SLC4A4: variants seen among roughly 807,000 people sequenced by gnomAD.
SLC4A4 encodes the protein solute carrier family 4 member 4.
A neutral mutation model predicts 111.5 loss-of-function variants in SLC4A4; 27 were observed. The observed-to-expected ratio is 0.24, with a 90% confidence interval of 0.18 to 0.33. The LOEUF is 0.33. Ranked by LOEUF, SLC4A4 falls within the 10% of genes least tolerant of loss-of-function variation. The pLI, the probability that SLC4A4 is intolerant of heterozygous loss-of-function variation, is 1.00. For synonymous variants in SLC4A4, 443 were observed against 463.4 expected, an observed-to-expected ratio of 0.96 and a Z score of 0.57; for missense variants, 909 against 1,315.5, an observed-to-expected ratio of 0.69 and a Z score of 4.78.
At chr4:71,528,489 G>T (rs1034175427) in intron 16 of SLC4A4, among the ~76,000 whole-genome samples, 13 of 152,050 alleles carry the variant, frequency 8.5e-5, no homozygotes, top group African/African-American at 2.9e-4. Flanking sequence ...GCAGTAATTT[G>T]TGTGTTGTTG....
intron 7 of SLC4A4, chr4:71,437,319 G>A: frequency 2.8e-6 from 1 of 362,148 alleles, no homozygotes; most frequent in Non-Finnish European, 5.4e-6. Flanking sequence ...CACGGTTTTG[G>A]GGAAATACAC....
chr4:71,469,409 A>T (rs1231995439), intron 13 of SLC4A4, among the ~76,000 whole-genome samples: 1 of 151,980 alleles, frequency 6.6e-6, no homozygotes, highest in Non-Finnish European at 1.5e-5. Flanking sequence ...CAGTGGCTGC[A>T]CATTAATTTC....
At chr4:71,549,889 CT>C (rs1286568717) in intron 20 of SLC4A4, among the ~76,000 whole-genome samples, 4 of 152,008 alleles carry the variant, frequency 2.6e-5, no homozygotes, top group African/African-American at 4.8e-5. Context: ...CTTTTCACCC[CT>C]GATAGGCAAA....
chr4:71,210,468 G>A (rs528527021), intron 1 of SLC4A4, among the ~76,000 whole-genome samples: 1 of 152,296 alleles, frequency 6.6e-6, no homozygotes, highest in South Asian at 2.1e-4. Context: ...TAGTTTGTGG[G>A]CAATGCATTG....
intron 16 of SLC4A4, among the ~76,000 whole-genome samples, chr4:71,525,824 TAGC>T (rs1322054519): frequency 6.6e-6 from 1 of 152,064 alleles, no homozygotes; most frequent in African/African-American, 2.4e-5. Context: ...TTGACCTACA[TAGC>T]AGGATGTTTT....
At chr4:71,348,769 T>A (rs746546359) in intron 4 of SLC4A4, among the ~76,000 whole-genome samples, 7 of 152,144 alleles carry the variant, frequency 4.6e-5, no homozygotes, top group Non-Finnish European at 8.8e-5. Flanking sequence ...TCCCCTCCTC[T>A]GGGGGTGGTA....
intron 7 of SLC4A4, among the ~76,000 whole-genome samples, chr4:71,405,023 C>T (rs1720718500): frequency 1.3e-5 from 2 of 151,644 alleles, no homozygotes; most frequent in South Asian, 4.2e-4. Context: ...GCCATGTTGC[C>T]CAGGCTGGTC....
At chr4:71,153,699 A>C (rs1328868062) in intron 2 of SLC4A4, among the ~76,000 whole-genome samples, 1 of 152,126 alleles carries the variant, frequency 6.6e-6, no homozygotes, top group African/African-American at 2.4e-5. Flanking sequence ...GTTAGAAATA[A>C]AATATTTCAT....
chr4:71,361,298 A>G (rs1353874548), intron 6 of SLC4A4, among the ~76,000 whole-genome samples: 6 of 152,194 alleles, frequency 3.9e-5, no homozygotes, highest in South Asian at 2.1e-4. Context: ...CTTTATTCCT[A>G]AAGACTAACT....
At chr4:71,289,282 C>T (rs975949139) in intron 3 of SLC4A4, among the ~76,000 whole-genome samples, 9 of 152,098 alleles carry the variant, frequency 5.9e-5, no homozygotes, top group African/African-American at 2.2e-4. Flanking sequence ...ATGGGATTCC[C>T]TTGCACTCTT....
chr4:71,130,234 A>AT (rs918772827), intron 2 of SLC4A4, among the ~76,000 whole-genome samples: 35 of 148,862 alleles, frequency 2.4e-4, no homozygotes, highest in Middle Eastern at 3.4e-3. Context: ...AATGTTAATT[A>AT]TTTTTTTTTT....
intron 6 of SLC4A4, among the ~76,000 whole-genome samples, chr4:71,386,701 T>A (rs1214843588): frequency 1.3e-5 from 2 of 152,188 alleles, no homozygotes; most frequent in Admixed American, 1.3e-4. Context: ...TCATGTTTTG[T>A]GGATACAGTA....
At chr4:71,439,810 G>A (rs139674542) in intron 7 of SLC4A4, among the ~76,000 whole-genome samples, 8 of 151,404 alleles carry the variant, frequency 5.3e-5, no homozygotes, top group Admixed American at 4.6e-4. Context: ...TTCCCTCTCC[G>A]TCTTTCTGCT....
At chr4:71,542,542 C>T (rs1042789864) in intron 18 of SLC4A4, among the ~76,000 whole-genome samples, 1 of 152,088 alleles carries the variant, frequency 6.6e-6, no homozygotes, top group African/African-American at 2.4e-5. Context: ...CCCCCATCTT[C>T]TCCTGTGCAC....
At chr4:71,128,330 A>G (rs1246884831) in intron 2 of SLC4A4, among the ~76,000 whole-genome samples, 2 of 152,270 alleles carry the variant, frequency 1.3e-5, no homozygotes, top group South Asian at 2.1e-4. Flanking sequence ...AATCATGAGA[A>G]CAGCACAGGA....
intron 1 of SLC4A4, among the ~76,000 whole-genome samples, chr4:71,091,253 ATTTT>A (rs3065802): frequency 8.0e-6 from 1 of 125,486 alleles, no homozygotes; most frequent in Non-Finnish European, 1.7e-5. Context: ...TGGCCTTGAA[ATTTT>A]TTTTTTTTTT....
intron 2 of SLC4A4, among the ~76,000 whole-genome samples, chr4:71,250,810 C>T (rs1721013140): frequency 6.6e-6 from 1 of 152,128 alleles, no homozygotes; most frequent in African/African-American, 2.4e-5. Context: ...AAGCACTGTA[C>T]TAGTCTTGAT....
At chr4:71,455,226 CG>C (rs1417975250) in intron 12 of SLC4A4, among the ~76,000 whole-genome samples, 3 of 152,106 alleles carry the variant, frequency 2.0e-5, no homozygotes, top group Non-Finnish European at 4.4e-5. Flanking sequence ...GAAATAATAT[CG>C]TGCTGGTCAA....
At chr4:71,406,809 G>A (rs768587987) in intron 7 of SLC4A4, among the ~76,000 whole-genome samples, 5 of 152,096 alleles carry the variant, frequency 3.3e-5, no homozygotes, top group Non-Finnish European at 7.4e-5. Context: ...CATAGGGAGT[G>A]ATTGTAAGCT....
Sources: allele counts gnomAD v4.1 joint callset (sites outside exome capture counted in the v4.1 genomes callset), GRCh38; gene constraint gnomAD v4.1.1; transcripts MANE v1.5; gene names NCBI Gene and HGNC (gene_info 2026-07-23, HGNC 2026-07-21).